The following NRP1 variants were observed in gnomAD, a reference collection of about 807,000 sequenced individuals.
NRP1 encodes neuropilin 1.
In NRP1, 35 loss-of-function variants were observed where a neutral mutation model predicts 106.7. That is an observed-to-expected ratio of 0.33 (90% CI 0.25 to 0.43). NRP1 has a LOEUF of 0.43. Ranked by LOEUF, NRP1 falls within the 20% of genes least tolerant of loss-of-function variation. The probability of loss-of-function intolerance (pLI) is 1.00; values close to 1 mark genes in which losing one functional copy is unlikely to be tolerated. For synonymous variants in NRP1, 437 were observed against 417.9 expected, an observed-to-expected ratio of 1.05 and a Z score of -0.56; for missense variants, 1,024 against 1,170.4, an observed-to-expected ratio of 0.87 and a Z score of 1.83.
At chr10:33,196,261 T>A (rs1836777111) in intron 12 of NRP1, among the ~76,000 whole-genome samples, 1 of 152,144 alleles carries the variant, frequency 6.6e-6, no homozygotes, top group Admixed American at 6.5e-5. Context: ...TGGCTTTAAT[T>A]ACCTCTCTGG....
chr10:33,303,868 C>T (rs571768898), intron 2 of NRP1, among the ~76,000 whole-genome samples: 2 of 152,296 alleles, frequency 1.3e-5, no homozygotes, highest in South Asian at 2.1e-4. Context: ...TTTCTATACC[C>T]GTGTAGTACT....
rs376105874 is a variant in NRP1, at chr10:33,264,479, G to A, written c.431-606C>T. 4.7e-4 allele frequency among the ~76,000 whole-genome samples: 72 copies of A among 152,326 alleles called. 2 individuals are homozygous for A. In the South Asian group the frequency reaches 0.014, roughly 31 times the overall value. On this transcript the variant is annotated intron_variant, in intron 3 of 16. Transcript: ENST00000374867. ...AAAGTGTGGCTGTTAGTGAGGGCAC[G>A]ATAAACTGTGATTACAGGCCATGAT... is the stretch of plus-strand genomic sequence containing the variant.
intron 12 of NRP1, among the ~76,000 whole-genome samples, chr10:33,193,386 T>TA (rs1188197904): frequency 3.9e-5 from 6 of 152,108 alleles, no homozygotes; most frequent in Admixed American, 2.6e-4. Context: ...AAGCTAACAA[T>TA]AAAAAAAATT....
At position 33,333,593 on chromosome 10, in the gene NRP1, C is replaced by T. The variant is rs61758238; in HGVS notation, c.73+717G>A. Among the ~76,000 whole-genome samples, 562 of 152,286 alleles carry T rather than the reference C, an allele frequency of 3.7e-3. 3 individuals carry two copies. Among genetic ancestry groups the T allele is most frequent in the African/African-American group, 0.013 (538 of 41,558 alleles). ...ACTTTACAGTGTGAAGTCAAACATG[C>T]CTACAACCAGATCCCATTTTAAAAC... On this transcript the variant is annotated intron_variant, in intron 1 of 16. Coordinates refer to ENST00000374867, the MANE Select transcript of NRP1 (RefSeq NM_003873.7).
At chr10:33,309,210 G>C (rs547095496) in intron 2 of NRP1, among the ~76,000 whole-genome samples, 7 of 152,306 alleles carry the variant, frequency 4.6e-5, no homozygotes, top group African/African-American at 1.7e-4. Context: ...TTTCTAAGAA[G>C]TTTCTCAAAT....
At chr10:33,293,062 A>C (rs1462932885) in intron 2 of NRP1, among the ~76,000 whole-genome samples, 1 of 151,926 alleles carries the variant, frequency 6.6e-6, no homozygotes, top group African/African-American at 2.4e-5. Flanking sequence ...CATAACCCCT[A>C]CCTTCAAGAA....
intron 3 of NRP1, among the ~76,000 whole-genome samples, chr10:33,264,719 TA>T (rs1436632440): frequency 6.6e-6 from 1 of 152,218 alleles, no homozygotes; most frequent in Non-Finnish European, 1.5e-5. Context: ...CATCCATGCA[TA>T]TAGTGCAGGT....
chr10:33,218,331 CTTTT>C (rs1442976492), intron 8 of NRP1, among the ~76,000 whole-genome samples: 2 of 141,242 alleles, frequency 1.4e-5, no homozygotes, highest in African/African-American at 2.5e-5. Flanking sequence ...TACTATATTT[CTTTT>C]TTCTTTCTTT....
At chr10:33,264,010 C>G (rs1454512482) in intron 3 of NRP1, 137 bp from the exon 4 acceptor site, 10 of 620,176 alleles carry the variant, frequency 1.6e-5, no homozygotes, top group African/African-American at 1.5e-4. Context: ...ATGTATTAGT[C>G]AGCCTTTTCA....
At chr10:33,189,889 T>A (rs1836291359) in intron 13 of NRP1, among the ~76,000 whole-genome samples, 1 of 152,248 alleles carries the variant, frequency 6.6e-6, no homozygotes, top group Admixed American at 6.5e-5. Flanking sequence ...CGTTAACAAG[T>A]AGTTCCTGCC....
chr10:33,199,857 T>C (rs1459061438), intron 11 of NRP1, among the ~76,000 whole-genome samples: 1 of 152,180 alleles, frequency 6.6e-6, no homozygotes, highest in Admixed American at 6.5e-5. Flanking sequence ...CAGGCCTATC[T>C]GGCAGCTCCC....
At chr10:33,323,381 G>A (rs1250996391) in intron 2 of NRP1, among the ~76,000 whole-genome samples, 1 of 152,090 alleles carries the variant, frequency 6.6e-6, no homozygotes, top group Non-Finnish European at 1.5e-5. Flanking sequence ...ACGTTATAAG[G>A]CAAAAGTTCT....
chr10:33,232,571 G>C (rs1332712510), intron 6 of NRP1, among the ~76,000 whole-genome samples: 1 of 150,056 alleles, frequency 6.7e-6, no homozygotes, highest in East Asian at 2.0e-4. Context: ...TCGATGGCAT[G>C]TAGGCTATTT....
chr10:33,323,093 G>A (rs1847633422), intron 2 of NRP1, among the ~76,000 whole-genome samples: 1 of 152,152 alleles, frequency 6.6e-6, no homozygotes, highest in Non-Finnish European at 1.5e-5. Flanking sequence ...GCATAGGTTG[G>A]ACATGGTGGC....
chr10:33,253,726 T>C (rs1169985025), intron 6 of NRP1, among the ~76,000 whole-genome samples: 1 of 152,270 alleles, frequency 6.6e-6, no homozygotes, highest in Admixed American at 6.5e-5. Flanking sequence ...GTTATCAAAG[T>C]GAGACACTTG....
At chr10:33,231,616 A>G (rs1462633630) in intron 6 of NRP1, among the ~76,000 whole-genome samples, 1 of 152,232 alleles carries the variant, frequency 6.6e-6, no homozygotes, top group Non-Finnish European at 1.5e-5. Flanking sequence ...ATCAGCGGGC[A>G]TTTAATACTG....
chr10:33,298,573 T>G (rs757921704), intron 2 of NRP1, among the ~76,000 whole-genome samples: 1 of 152,280 alleles, frequency 6.6e-6, no homozygotes, highest in Non-Finnish European at 1.5e-5. Flanking sequence ...CCTTGCTGGC[T>G]GGGGAGCAGG....
At chr10:33,317,871 C>A (rs950748916) in intron 2 of NRP1, among the ~76,000 whole-genome samples, 1 of 152,192 alleles carries the variant, frequency 6.6e-6, no homozygotes, top group African/African-American at 2.4e-5. Flanking sequence ...GCTGAATGCA[C>A]ACTGAGCATA....
chr10:33,269,187 G>A (rs1424070850), intron 3 of NRP1, among the ~76,000 whole-genome samples: 1 of 152,118 alleles, frequency 6.6e-6, no homozygotes. Context: ...GTAAATAATA[G>A]GAAGGCTGAA....
Sources: gnomAD v4.1 joint callset for allele counts (sites outside exome capture counted in the v4.1 genomes callset) on GRCh38, gnomAD v4.1.1 for gene constraint, MANE v1.5 for transcripts, NCBI Gene and HGNC (gene_info 2026-07-23, HGNC 2026-07-21) for gene names.